Variants in THADA observed in about 807,000 individuals in gnomAD.
THADA encodes the protein THADA armadillo repeat containing.
A neutral mutation model predicts 219.8 loss-of-function variants in THADA; 213 were observed. The ratio of observed to expected loss-of-function variants is 0.97; its 90% CI spans 0.87 to 1.09. The LOEUF (loss-of-function observed/expected upper bound fraction) is 1.09. THADA is among the 50% of genes least tolerant of loss of function. THADA has a pLI of 0.00. For missense variants in THADA, 2,956 were observed against 2,311.3 expected, an observed-to-expected ratio of 1.28 and a Z score of -5.72; for synonymous variants, 1,018 against 828.9, an observed-to-expected ratio of 1.23 and a Z score of -3.92.
chr2:43,479,176 C>A (rs1030831410), intron 26 of THADA, among the ~76,000 whole-genome samples: 1 of 152,202 alleles, frequency 6.6e-6, no homozygotes, highest in Non-Finnish European at 1.5e-5. Flanking sequence ...AAATTAACTT[C>A]ATACTTTAAA....
At chr2:43,403,725 G>A (rs527651473) in intron 28 of THADA, among the ~76,000 whole-genome samples, 12 of 152,244 alleles carry the variant, frequency 7.9e-5, no homozygotes, top group African/African-American at 2.6e-4. Context: ...TGATGAAAAG[G>A]ACCATCCACT....
At chr2:43,262,369 A>G (rs561845395) in intron 36 of THADA, among the ~76,000 whole-genome samples, 1 of 152,222 alleles carries the variant, frequency 6.6e-6, no homozygotes, top group Non-Finnish European at 1.5e-5. Flanking sequence ...GGCAACCATC[A>G]TGGATGAAGA....
chr2:43,572,235 C>G (rs986307794), intron 12 of THADA, among the ~76,000 whole-genome samples: 1 of 152,162 alleles, frequency 6.6e-6, no homozygotes, highest in Admixed American at 6.5e-5. Flanking sequence ...TGGAAACTCA[C>G]GTTTCCACTA....
At chr2:43,373,346 T>C (rs1376676937) in intron 29 of THADA, among the ~76,000 whole-genome samples, 1 of 152,250 alleles carries the variant, frequency 6.6e-6, no homozygotes, top group Admixed American at 6.5e-5. Flanking sequence ...CTACTAGAAC[T>C]GCTTATTCTC....
At chr2:43,326,368 T>C (rs556536087) in intron 30 of THADA, among the ~76,000 whole-genome samples, 12 of 152,026 alleles carry the variant, frequency 7.9e-5, no homozygotes, top group Admixed American at 2.0e-4. Flanking sequence ...ACAGAGGAAG[T>C]AGCATGTCCA....
At chr2:43,415,799 C>G (rs1676877967) in intron 28 of THADA, among the ~76,000 whole-genome samples, 2 of 152,132 alleles carry the variant, frequency 1.3e-5, no homozygotes, top group Non-Finnish European at 2.9e-5. Flanking sequence ...TGCTGGCTAG[C>G]TTTCAACGGG....
chr2:43,458,482 C>T (rs1683269201), intron 26 of THADA, among the ~76,000 whole-genome samples: 1 of 152,164 alleles, frequency 6.6e-6, no homozygotes, highest in Admixed American at 6.5e-5. Context: ...AATTAACTTC[C>T]TCACATGGTT....
At chr2:43,371,446 G>A (rs144058486) in intron 29 of THADA, among the ~76,000 whole-genome samples, 1 of 152,268 alleles carries the variant, frequency 6.6e-6, no homozygotes, top group African/African-American at 2.4e-5. Context: ...AGTAGATACT[G>A]ATTTTTCATA....
intron 29 of THADA, among the ~76,000 whole-genome samples, chr2:43,388,942 A>AC (rs892048413): frequency 3.3e-5 from 5 of 151,648 alleles, no homozygotes; most frequent in East Asian, 1.9e-4. Flanking sequence ...TAACCCCCTC[A>AC]CCCCCCGCCC....
At chr2:43,306,746 C>T (rs988314464) in intron 31 of THADA, among the ~76,000 whole-genome samples, 1 of 152,190 alleles carries the variant, frequency 6.6e-6, no homozygotes, top group Non-Finnish European at 1.5e-5. Flanking sequence ...TGAAGTCCAG[C>T]CCCAACATGG....
chr2:43,425,442 TTGTATGTGTGTG>T (rs1015195075), intron 28 of THADA, among the ~76,000 whole-genome samples: 6 of 112,774 alleles, frequency 5.3e-5, no homozygotes, highest in African/African-American at 2.2e-4. Context: ...CTTGTTAAAA[TTGTATGTGTGTG>T]TGTGTGTGTG....
chr2:43,421,630 T>G lies in THADA; in HGVS notation c.4058+6470A>C, dbSNP rs146368358. 1.4e-3 allele frequency among the ~76,000 whole-genome samples: 217 copies of G among 152,356 alleles called. 3 individuals are homozygous for G. Among genetic ancestry groups the G allele is most frequent in the Admixed American group, 0.012 (181 of 15,304 alleles). On this transcript the variant is annotated intron_variant, in intron 28 of 37. Coordinates refer to ENST00000405975, the MANE Select transcript of THADA (RefSeq NM_022065.5). Reference sequence around the variant, plus strand: ...TGACTTCTCAAAGACTCAGATGTTCTTTTGCTTGTCAGAAAATGTGGCTTA... The same window carrying G: ...TGACTTCTCAAAGACTCAGATGTTCGTTTGCTTGTCAGAAAATGTGGCTTA...
intron 28 of THADA, chr2:43,408,274 A>C (rs1675834235): frequency 6.6e-6 from 1 of 152,186 alleles, no homozygotes; most frequent in South Asian, 2.1e-4. Flanking sequence ...AGGTCAAATC[A>C]CTTACAGTCA....
chr2:43,266,195 G>A (rs973568666), intron 36 of THADA, among the ~76,000 whole-genome samples: 1 of 152,176 alleles, frequency 6.6e-6, no homozygotes, highest in East Asian at 1.9e-4. Context: ...GGGACTGACT[G>A]AAGGGAAGCT....
intron 26 of THADA, among the ~76,000 whole-genome samples, chr2:43,435,891 CTTCT>C (rs561850649): frequency 2.0e-5 from 3 of 150,634 alleles, no homozygotes; most frequent in African/African-American, 4.9e-5. Context: ...TGGCATAATG[CTTCT>C]TTCTTTCTTT....
chr2:43,402,932 T>C (rs1675047446), intron 28 of THADA, among the ~76,000 whole-genome samples: 1 of 152,206 alleles, frequency 6.6e-6, no homozygotes, highest in African/African-American at 2.4e-5. Flanking sequence ...TGCCTTTCCC[T>C]GTGTGAACCC....
intron 8 of THADA, among the ~76,000 whole-genome samples, chr2:43,579,125 C>T (rs550524455): frequency 6.6e-6 from 1 of 152,262 alleles, no homozygotes; most frequent in African/African-American, 2.4e-5. Context: ...CCACTGTGCC[C>T]GGCTGAATAT....
In THADA at chr2:43,522,523, C is replaced by T. The variant is rs80020553; in HGVS notation, c.3374+5356G>A. 1.8e-4 allele frequency among the ~76,000 whole-genome samples: 27 copies of T among 152,222 alleles called. No individual in the cohort carries two copies. The East Asian group carries it at 5.0e-3, about 28-fold the overall frequency. On this transcript the variant is annotated intron_variant, in intron 22 of 37. Transcript: ENST00000405975. ...CTCAATTATTTAATATAATCATTCC[C>T]TAAGATCAAGGAGAAAAATTAATAT...
chr2:43,466,776 G>A lies in THADA; in HGVS notation c.3836+18458C>T, dbSNP rs183753211. 4.6e-5 allele frequency among the ~76,000 whole-genome samples: 7 copies of A among 152,264 alleles called. No individual in the cohort carries two copies. In the East Asian group the frequency reaches 7.7e-4, roughly 17 times the overall value. On this transcript the variant is annotated intron_variant, in intron 26 of 37. Coordinates refer to ENST00000405975, the MANE Select transcript of THADA (RefSeq NM_022065.5). Reference sequence around the variant, plus strand: ...CCATTCAAGACATGAGGCAACTGAGGCAGAAAGCATAAATATGTTTCATTA... The same window carrying A: ...CCATTCAAGACATGAGGCAACTGAGACAGAAAGCATAAATATGTTTCATTA...
Sources: gnomAD v4.1 joint callset for allele counts (sites outside exome capture counted in the v4.1 genomes callset) on GRCh38, gnomAD v4.1.1 for gene constraint, MANE v1.5 for transcripts, NCBI Gene and HGNC (gene_info 2026-07-23, HGNC 2026-07-21) for gene names.